The following RCOR1 variants were observed in gnomAD, a reference collection of about 807,000 sequenced individuals.
RCOR1 encodes the protein REST corepressor 1.
In RCOR1, 12 loss-of-function variants were observed where a neutral mutation model predicts 64.0. The observed-to-expected ratio is 0.19, with a 90% CI of 0.12 to 0.30. The LOEUF is 0.30. Ranked by LOEUF, RCOR1 falls within the 10% of genes least tolerant of loss-of-function variation. RCOR1 has a pLI of 1.00. For missense variants in RCOR1, 502 were observed against 621.2 expected (o/e 0.81, Z 2.04); for synonymous variants, 279 against 227.2 (o/e 1.23, Z -2.05).
chr14:102,604,790 G>C (rs1893470903), intron 2 of RCOR1, among the ~76,000 whole-genome samples: 2 of 152,022 alleles, frequency 1.3e-5, no homozygotes, highest in Admixed American at 1.3e-4. Flanking sequence ...CTCTTTAAGA[G>C]AAAACACTTA....
chr14:102,596,313 G>C (rs1893245864), intron 2 of RCOR1, among the ~76,000 whole-genome samples: 2 of 152,062 alleles, frequency 1.3e-5, no homozygotes, highest in African/African-American at 4.8e-5. Flanking sequence ...ATGTTGATCA[G>C]GCTGGTCTGG....
intron 10 of RCOR1, among the ~76,000 whole-genome samples, chr14:102,721,901 A>G (rs1896176594): frequency 6.6e-6 from 1 of 152,234 alleles, no homozygotes; most frequent in Non-Finnish European, 1.5e-5. Context: ...CTGCGATACC[A>G]AAAGATGAAT....
In RCOR1 at chr14:102,637,429, C is replaced by CAT. The variant is rs976058745; in HGVS notation, c.361+44113_361+44114dup. Among the ~76,000 whole-genome samples, 16 of 151,604 alleles carry CAT rather than the reference C, an allele frequency of 1.1e-4. No individual in the cohort carries two copies. In the East Asian group the frequency reaches 1.2e-3, roughly 11 times the overall value. ...AGACTTGAGCCACTGCACCTGGCCG[C>CAT]ATATATATATTTTATTTTTTTATTT... On this transcript the variant is annotated intron_variant, in intron 2 of 11. Transcript: ENST00000262241.
At position 102,728,587 on chromosome 14, in the gene RCOR1, C is replaced by G. The variant is rs988045942; in HGVS notation, c.*2081C>G. 3 of 152,170 alleles carry G rather than the reference C, an allele frequency of 2.0e-5. No homozygotes were observed. Among genetic ancestry groups the G allele is most frequent in the African/African-American group, 7.2e-5 (3 of 41,430 alleles). The allele number at this position is 152,170 out of a possible 1,614,324, so 9.4% of individuals were successfully genotyped here. A position where few individuals can be genotyped will look rare whatever the true frequency, so the allele number is the denominator to read the frequency against. On this transcript the variant is annotated 3_prime_UTR_variant, in exon 12 of 12. Transcript: ENST00000262241. Reference sequence around the variant, plus strand: ...CCTGCCAATAGGTCTGTCTGTATCTCTGTTAAGGAAAATAGCCTGGTCCCT... The same window carrying G: ...CCTGCCAATAGGTCTGTCTGTATCTGTGTTAAGGAAAATAGCCTGGTCCCT...
intron 2 of RCOR1, among the ~76,000 whole-genome samples, chr14:102,600,860 G>T (rs1268183794): frequency 6.7e-6 from 1 of 148,970 alleles, no homozygotes; most frequent in Non-Finnish European, 1.5e-5. Flanking sequence ...GTGAGCCACC[G>T]CGCCCGGCTG....
At chr14:102,695,711 ATT>A (rs765805364) in intron 3 of RCOR1, among the ~76,000 whole-genome samples, 1,461 of 123,102 alleles carry the variant, frequency 0.012, 16 homozygotes, top group Admixed American at 0.018. Flanking sequence ...ATGCCCTGCT[ATT>A]TTTTTTTTTT....
At chr14:102,686,943 C>T (rs1018011554) in intron 3 of RCOR1, among the ~76,000 whole-genome samples, 8 of 152,326 alleles carry the variant, frequency 5.3e-5, no homozygotes, top group Non-Finnish European at 1.2e-4. Flanking sequence ...TTTTCCTTCA[C>T]TTACATTAAA....
chr14:102,639,577 A>G (rs1054732202), intron 2 of RCOR1, among the ~76,000 whole-genome samples: 1 of 149,456 alleles, frequency 6.7e-6, no homozygotes, highest in Non-Finnish European at 1.5e-5. Context: ...TCTGTTGTCC[A>G]GGCTGGAGTG....
chr14:102,706,136 A>AAAAAAAAAAAAAAAC (rs1567442106), intron 4 of RCOR1, among the ~76,000 whole-genome samples: 18 of 148,982 alleles, frequency 1.2e-4, no homozygotes, highest in African/African-American at 4.5e-4. Flanking sequence ...AAAAAAAAAA[A>AAAAAAAAAAAAAAAC]AAAAAACCTA....
intron 9 of RCOR1, 100 bp from the exon 10 acceptor site, chr14:102,721,220 G>A: frequency 5.8e-6 from 7 of 1,212,380 alleles, no homozygotes; most frequent in Non-Finnish European, 8.4e-6. Context: ...CCCAGTTGAT[G>A]TTAAAATTCC....
intron 2 of RCOR1, chr14:102,651,012 CT>C (rs771505858): frequency 3.2e-6 from 3 of 941,676 alleles, no homozygotes; most frequent in Non-Finnish European, 3.8e-6. Flanking sequence ...TGAGAATGTT[CT>C]CATTTAAAAC....
chr14:102,635,669 C>G (rs868422975), intron 2 of RCOR1, among the ~76,000 whole-genome samples: 4 of 151,176 alleles, frequency 2.6e-5, no homozygotes, highest in Non-Finnish European at 5.9e-5. Context: ...ATTTTTTTTT[C>G]TAATATTCTG....
chr14:102,671,520 G>A (rs1225427761), intron 2 of RCOR1, among the ~76,000 whole-genome samples: 1 of 152,054 alleles, frequency 6.6e-6, no homozygotes, highest in African/African-American at 2.4e-5. Context: ...CTCACCCTCT[G>A]AAGTAGCTGG....
intron 3 of RCOR1, among the ~76,000 whole-genome samples, chr14:102,695,702 T>A (rs1391004963): frequency 1.3e-5 from 2 of 150,890 alleles, no homozygotes; most frequent in Non-Finnish European, 2.9e-5. Flanking sequence ...TGAGCCACCA[T>A]GCCCTGCTAT....
intron 3 of RCOR1, among the ~76,000 whole-genome samples, chr14:102,694,744 A>G (rs1895610207): frequency 1.3e-5 from 2 of 152,230 alleles, no homozygotes; most frequent in South Asian, 4.1e-4. Flanking sequence ...CAGGTGGCAC[A>G]ATTGCTTTAC....
At chr14:102,699,151 C>G (rs1482354446) in intron 3 of RCOR1, among the ~76,000 whole-genome samples, 1 of 152,204 alleles carries the variant, frequency 6.6e-6, no homozygotes, top group African/African-American at 2.4e-5. Flanking sequence ...TCCGGAAATG[C>G]TGGGATTACA....
chr14:102,620,279 T>C (rs1893848216), intron 2 of RCOR1, among the ~76,000 whole-genome samples: 1 of 151,614 alleles, frequency 6.6e-6, no homozygotes, highest in Non-Finnish European at 1.5e-5. Flanking sequence ...TGAAAAAAAT[T>C]AGTCGCGGCG....
chr14:102,684,619 T>C (rs1895376608), intron 3 of RCOR1, among the ~76,000 whole-genome samples: 2 of 152,122 alleles, frequency 1.3e-5, no homozygotes, highest in Admixed American at 6.6e-5. Context: ...TATTTACATA[T>C]TGTTGAAAGT....
intron 2 of RCOR1, among the ~76,000 whole-genome samples, chr14:102,613,885 CTTTTTTT>C (rs71119719): frequency 9.0e-4 from 50 of 55,502 alleles, no homozygotes; most frequent in African/African-American, 1.9e-3. Flanking sequence ...ATTAACTATT[CTTTTTTT>C]TTTTTTTTTT....
Sources: gnomAD v4.1 joint callset for allele counts (sites outside exome capture counted in the v4.1 genomes callset) on GRCh38, gnomAD v4.1.1 for gene constraint, MANE v1.5 for transcripts, NCBI Gene and HGNC (gene_info 2026-07-23, HGNC 2026-07-21) for gene names.